Variants in CBX7 observed in about 807,000 individuals in gnomAD.
CBX7 encodes the protein chromobox protein homolog 7.
CBX7 carries 14 observed loss-of-function variants against 31.4 expected under a neutral mutation model. The observed-to-expected ratio is 0.45, with a 90% CI of 0.29 to 0.70. The LOEUF is 0.70. Among genes scored for constraint, CBX7 ranks in the 30% least tolerant of loss-of-function variants. CBX7 has a pLI of 0.11. For synonymous variants in CBX7, 159 were observed against 152.6 expected (o/e 1.04, Z -0.31); for missense variants, 269 against 351.9 (o/e 0.76, Z 1.89).
In CBX7 at chr22:39,134,037, G is replaced by C. The variant is rs1302187431; in HGVS notation, c.610C>G (p.Leu204Val). 6 of 1,601,602 alleles carry C rather than the reference G, an allele frequency of 3.7e-6. No homozygotes were observed. The highest frequency in any genetic ancestry group is 5.1e-6 in the Non-Finnish European group (6 of 1,172,346). Residue 204 changes from leucine (L) to valine (V), a missense_variant, in exon 6 of 6, where the codon CTG becomes GTG. Transcript: ENST00000216133. ...GTCCAGGGAGGGGGCCCCTCGGCCA[G>C]GTCGGCATCTGCTGCAGCGTCAGAC... Reference protein sequence around the residue: ...QPPEEEADADLAEGPPPWTPA... With the variant: ...QPPEEEADADVAEGPPPWTPA...
intron 2 of CBX7, among the ~76,000 whole-genome samples, chr22:39,142,678 C>G (rs1930502575): frequency 6.6e-6 from 1 of 152,224 alleles, no homozygotes; most frequent in Admixed American, 6.5e-5. Flanking sequence ...ATTTTAAAAG[C>G]AAACTATGAC....
chr22:39,150,445 A>C (rs1930810837), intron 1 of CBX7, among the ~76,000 whole-genome samples: 1 of 152,130 alleles, frequency 6.6e-6, no homozygotes, highest in Admixed American at 6.5e-5. Context: ...GGTTGTTAGA[A>C]AGTAGAGCCA....
chr22:39,144,914 G>A (rs1178647493), intron 2 of CBX7, among the ~76,000 whole-genome samples: 3 of 152,234 alleles, frequency 2.0e-5, no homozygotes, highest in Non-Finnish European at 4.4e-5. Flanking sequence ...TGGAGAAACT[G>A]AGACACGGAG....
At chr22:39,142,428 T>C (rs139395) in intron 2 of CBX7, among the ~76,000 whole-genome samples, 98,689 of 152,070 alleles carry the variant, frequency 0.65, 32,620 homozygotes, top group African/African-American at 0.78. Flanking sequence ...AAATGTCTAG[T>C]GGCTGAATGG....
At chr22:39,150,590 C>A (rs894956564) in intron 1 of CBX7, among the ~76,000 whole-genome samples, 2 of 152,090 alleles carry the variant, frequency 1.3e-5, no homozygotes, top group Non-Finnish European at 2.9e-5. Context: ...CTGGGCAACA[C>A]GGTGAGACCC....
intron 2 of CBX7, among the ~76,000 whole-genome samples, chr22:39,144,403 C>T (rs1312968303): frequency 2.0e-5 from 3 of 152,218 alleles, no homozygotes; most frequent in Admixed American, 6.5e-5. Context: ...GCCAGCAGGA[C>T]GAGCCTGCCC....
At position 39,134,613 on chromosome 22, in the gene CBX7, CCCTTGTCCACCAGCTCAGGTGCCCCCG is replaced by C. The variant is rs777336341; in HGVS notation, c.359_385del (p.Ala120_Lys128del). On this transcript the variant is annotated inframe_deletion, in exon 5 of 6. Coordinates refer to ENST00000216133, the MANE Select transcript of CBX7 (RefSeq NM_175709.5). ...GAAGGGCAGGGTGGGCACCAAGGGG[CCCTTGTCCACCAGCTCAGGTGCCCCCG>C]CCTTGACCACCCCCTCAGGGCTCCC... 6.3e-7 allele frequency: 1 copy of C among 1,586,376 alleles called. No individual in the cohort carries two copies. The highest frequency in any genetic ancestry group is 8.6e-7 in the Non-Finnish European group (1 of 1,166,278).
At chr22:39,144,715 T>C (rs554034490) in intron 2 of CBX7, among the ~76,000 whole-genome samples, 1 of 152,296 alleles carries the variant, frequency 6.6e-6, no homozygotes, top group Admixed American at 6.5e-5. Flanking sequence ...GCCCTGCCCA[T>C]TGCTTGCTGA....
rs1379642763 is a variant in CBX7 at position 39,145,718 on chromosome 22, A to AGGGGGCGGGGGC, written c.113+4059_113+4070dup. On this transcript the variant is annotated intron_variant, in intron 2 of 5. Coordinates refer to ENST00000216133, the MANE Select transcript of CBX7 (RefSeq NM_175709.5). Reference sequence around the variant, plus strand: ...GCGCGCCGGGATTACCGGCAAACCGAGGGGGCGGGGGCGGGGGCGGGGACA... The same window carrying AGGGGGCGGGGGC: ...GCGCGCCGGGATTACCGGCAAACCGAGGGGGCGGGGGCGGGGGCGGGGGCGGGGGCGGGGACA... Among the ~76,000 whole-genome samples the AGGGGGCGGGGGC allele has an allele frequency of 6.7e-3, 915 of 136,150 alleles. 10 individuals are homozygous for AGGGGGCGGGGGC. The highest frequency in any genetic ancestry group is 0.022 in the African/African-American group (800 of 36,822). The allele number at this position is 136,150 out of a possible 152,430, so 89.3% of individuals were successfully genotyped here.
At chr22:39,136,325 C>T (rs919948014) in intron 4 of CBX7, 3 of 152,284 alleles carry the variant, frequency 2.0e-5, no homozygotes, top group Admixed American at 6.5e-5. Context: ...ACCACACCCA[C>T]CTCCTGGAAT....
In CBX7 at chr22:39,149,748, G is replaced by A. The variant is rs562569207; in HGVS notation, c.113+41C>T. The A allele has an allele frequency of 3.1e-5, 50 of 1,596,250 alleles. No homozygotes were observed. In the African/African-American group the frequency reaches 3.8e-4, roughly 12 times the overall value. On this transcript the variant is annotated intron_variant, in intron 2 of 5. Coordinates refer to ENST00000216133, the MANE Select transcript of CBX7 (RefSeq NM_175709.5). ...AGGCAGGTGGAGGAATGCATGGGTC[G>A]GTAGGCAGACAGACAGACACACACA... is the stretch of plus-strand genomic sequence containing the variant.
intron 2 of CBX7, among the ~76,000 whole-genome samples, chr22:39,144,467 C>A (rs1569110416): frequency 6.6e-6 from 1 of 152,238 alleles, no homozygotes; most frequent in Non-Finnish European, 1.5e-5. Flanking sequence ...CACTAATGGA[C>A]CAGGAAACAC....
intron 2 of CBX7, among the ~76,000 whole-genome samples, chr22:39,144,514 GGCCC>G (rs1026369284): frequency 1.3e-5 from 2 of 152,232 alleles, no homozygotes; most frequent in African/African-American, 4.8e-5. Flanking sequence ...GGCCCGCTCA[GGCCC>G]GCCCGGGGCT....
intron 3 of CBX7, among the ~76,000 whole-genome samples, chr22:39,140,357 C>T (rs1288597304): frequency 6.6e-6 from 1 of 152,142 alleles, no homozygotes; most frequent in Non-Finnish European, 1.5e-5. Context: ...GTGTCGCACC[C>T]TGTTGGACCA....
chr22:39,138,875 G>A (rs969576280), intron 3 of CBX7, among the ~76,000 whole-genome samples, 173 bp from the exon 4 acceptor site: 2 of 152,240 alleles, frequency 1.3e-5, no homozygotes, highest in Non-Finnish European at 2.9e-5. Context: ...GGGGTCAGAT[G>A]TTCAACTCCC....
chr22:39,149,880 C>T (rs1451870608), intron 1 of CBX7, 48 bp from the exon 2 acceptor site: 6 of 1,527,040 alleles, frequency 3.9e-6, no homozygotes, highest in Non-Finnish European at 5.4e-6. Context: ...GTTGCCCCTA[C>T]AGCCACTCGG....
intron 2 of CBX7, among the ~76,000 whole-genome samples, chr22:39,146,787 G>A (rs1458478200): frequency 6.6e-6 from 1 of 152,148 alleles, no homozygotes; most frequent in Non-Finnish European, 1.5e-5. Flanking sequence ...AACTCCATAG[G>A]GCCACTCCTT....
At chr22:39,149,494 A>G in intron 2 of CBX7, 1 of 501,774 alleles carries the variant, frequency 2.0e-6, no homozygotes, top group East Asian at 3.5e-5. Context: ...TTCACCTCCC[A>G]GTTGCCAAGA....
chr22:39,146,717 T>A, intron 2 of CBX7, among the ~76,000 whole-genome samples: 1 of 152,222 alleles, frequency 6.6e-6, no homozygotes, highest in East Asian at 1.9e-4. Flanking sequence ...CAATGCCTGA[T>A]TCATAATAGG....
Sources: allele counts gnomAD v4.1 joint callset (sites outside exome capture counted in the v4.1 genomes callset), GRCh38; gene constraint gnomAD v4.1.1; transcripts MANE v1.5; gene names NCBI Gene and HGNC (gene_info 2026-07-23, HGNC 2026-07-21).